Variants in CCDC47 observed in about 807,000 individuals in gnomAD.
CCDC47 encodes the protein coiled-coil domain containing 47, also known as PAT complex subunit CCDC47.
CCDC47 carries 41 observed loss-of-function variants against 60.5 expected under a neutral mutation model. That is an observed-to-expected ratio of 0.68 (90% CI 0.53 to 0.88). CCDC47 has a LOEUF of 0.88. CCDC47 is among the 40% of genes least tolerant of loss of function. The pLI is 0.00. For missense variants in CCDC47, 513 were observed against 580.9 expected (o/e 0.88, Z 1.20); for synonymous variants, 195 against 190.7 (o/e 1.02, Z -0.18).
intron 8 of CCDC47, among the ~76,000 whole-genome samples, chr17:63,754,851 C>T (rs1568247379): frequency 6.6e-6 from 1 of 150,924 alleles, no homozygotes; most frequent in Non-Finnish European, 1.5e-5. Flanking sequence ...CCACTGTACT[C>T]CGGTCTGGGC....
chr17:63,767,488 A>AC (rs2039305601), intron 1 of CCDC47, among the ~76,000 whole-genome samples: 1 of 152,050 alleles, frequency 6.6e-6, no homozygotes, highest in Non-Finnish European at 1.5e-5. Flanking sequence ...AAGTGGGGAG[A>AC]CCATTTGAGC....
At chr17:63,770,021 C>T (rs187905379) in intron 1 of CCDC47, among the ~76,000 whole-genome samples, 18 of 142,926 alleles carry the variant, frequency 1.3e-4, no homozygotes, top group Middle Eastern at 3.9e-3. Context: ...AGTGTAGTGG[C>T]GTGATCTCGG....
intron 1 of CCDC47, among the ~76,000 whole-genome samples, chr17:63,771,142 A>T (rs114031791): frequency 0.011 from 1,712 of 152,210 alleles, 28 homozygotes; most frequent in African/African-American, 0.04. Context: ...GGATAGGCCA[A>T]CGGTACAGTA....
chr17:63,758,279 G>T (rs2039222816), intron 6 of CCDC47, among the ~76,000 whole-genome samples: 1 of 152,190 alleles, frequency 6.6e-6, no homozygotes, highest in South Asian at 2.1e-4. Context: ...TGGTAGTATG[G>T]GTAACCTGGG....
Position 63,766,161 on chromosome 17 carries a change from G to A in CCDC47, c.15C>T (p.His5=), listed in dbSNP as rs756016204. 1.2e-6 allele frequency: 2 copies of A among 1,608,484 alleles called. No homozygotes were observed. Among genetic ancestry groups the A allele is most frequent in the African/African-American group, 1.3e-5 (1 of 74,740 alleles). ...ACACCAGAAGGACAACACAGAAAGT[G>A]TGGAAGGCTTTCATTGCACCTTGAG... MKAF[H]TFCVVLLVFG... is the part of the protein sequence containing the mutation. The change falls in exon 2 of 13, where the codon CAC becomes CAT. Residue 5 remains histidine, a synonymous_variant. Transcript: ENST00000225726.
In CCDC47 at chr17:63,746,469, T is replaced by C. The variant is rs888046650; in HGVS notation, c.*412A>G. 1 of 158,926 alleles carries C rather than the reference T, an allele frequency of 6.3e-6. No homozygotes were observed. The highest frequency in any genetic ancestry group is 2.4e-5 in the African/African-American group (1 of 41,558). 9.8% of individuals were successfully genotyped at this position (158,926 alleles called of 1,614,324 possible). A position where few individuals can be genotyped will look rare whatever the true frequency, so the allele number is the denominator to read the frequency against. ...TTGCAGAATCTTGGTTTAGAGTCAG[T>C]CTTTATAGCCATTTCAACTGCTTGG... On this transcript the variant is annotated 3_prime_UTR_variant, in exon 13 of 13. Coordinates refer to ENST00000225726, the MANE Select transcript of CCDC47 (RefSeq NM_020198.3).
chr17:63,756,082 A>G lies in CCDC47; in HGVS notation c.948+158T>C, dbSNP rs899031296. Among the ~76,000 whole-genome samples the G allele has an allele frequency of 3.3e-5, 5 of 152,334 alleles. No homozygotes were observed. In the East Asian group the frequency reaches 9.6e-4, roughly 29 times the overall value. Reference sequence around the variant, plus strand: ...AATCAAATTGTCCTTTTGACAAGCTAATTTATTGCTTAAAGAAGGTATTTT... The same window carrying G: ...AATCAAATTGTCCTTTTGACAAGCTGATTTATTGCTTAAAGAAGGTATTTT... On this transcript the variant is annotated intron_variant, in intron 8 of 12. Transcript: ENST00000225726.
chr17:63,769,400 G>C (rs2039319854), intron 1 of CCDC47, among the ~76,000 whole-genome samples: 1 of 151,968 alleles, frequency 6.6e-6, no homozygotes, highest in Non-Finnish European at 1.5e-5. Context: ...GATCACCTGA[G>C]GTCAGGAGTT....
intron 3 of CCDC47, 29 bp from the exon 4 acceptor site, chr17:63,764,219 G>C: frequency 3.3e-6 from 5 of 1,532,194 alleles, no homozygotes; most frequent in Non-Finnish European, 4.4e-6. Flanking sequence ...TCCATTAAAT[G>C]TTGGCTGAGA....
intron 1 of CCDC47, among the ~76,000 whole-genome samples, chr17:63,768,466 C>T (rs929306861): frequency 7.9e-5 from 12 of 152,018 alleles, no homozygotes; most frequent in Admixed American, 7.9e-4. Context: ...GGTGAGTGAA[C>T]TGCTCGAGCC....
At chr17:63,770,047 G>C (rs2039326202) in intron 1 of CCDC47, among the ~76,000 whole-genome samples, 1 of 147,434 alleles carries the variant, frequency 6.8e-6, no homozygotes, top group Non-Finnish European at 1.5e-5. Context: ...TGCAACCTCT[G>C]CCTCCTGGGT....
At position 63,759,543 on chromosome 17, in the gene CCDC47, ATATATATATATATATAT is replaced by A. The variant is rs2039238047; in HGVS notation, c.735+1354_735+1370del. Among the ~76,000 whole-genome samples the A allele has an allele frequency of 3.4e-5, 2 of 58,576 alleles. 1 individual carries two copies. The highest frequency in any genetic ancestry group is 6.3e-5 in the Non-Finnish European group (2 of 31,566). 38.4% of individuals were successfully genotyped at this position (58,576 alleles called of 152,430 possible). ...TATATATATTTATATATATATATAT[ATATATATATATATATAT>A]ATATATATATATATATAAAACAATG... On this transcript the variant is annotated intron_variant, in intron 6 of 12. Transcript: ENST00000225726.
chr17:63,766,603 T>C (rs542034069), intron 1 of CCDC47, among the ~76,000 whole-genome samples: 1 of 152,228 alleles, frequency 6.6e-6, no homozygotes, highest in South Asian at 2.1e-4. Flanking sequence ...TTTGTATTTT[T>C]AGTAGAGATG....
In CCDC47 at chr17:63,764,941, C is replaced by T. The variant is rs1050213108; in HGVS notation, c.265-94G>A. ...CAACATTTGTTGGGGAAAACAAGAA[C>T]GTGTAAGCAGCAAGCACAGAAAACA... On this transcript the variant is annotated intron_variant, in intron 2 of 12. Transcript: ENST00000225726. 1.3e-5 allele frequency: 19 copies of T among 1,519,084 alleles called. No homozygotes were observed. In the Admixed American group the frequency reaches 1.8e-4, roughly 15 times the overall value. The allele number at this position is 1,519,084 out of a possible 1,614,324, so 94.1% of individuals were successfully genotyped here. A position where few individuals can be genotyped will look rare whatever the true frequency, so the allele number is the denominator to read the frequency against.
At position 63,747,149 on chromosome 17, in the gene CCDC47, G is replaced by A. The variant is rs9893258; in HGVS notation, c.1372-188C>T. ...AATAATTGCCAATATCTACATTAGT[G>A]AATAAAAATTAAATCAACTTCAAAT... On this transcript the variant is annotated intron_variant, in intron 12 of 12. Transcript: ENST00000225726. 7,506 of 981,292 alleles carry A rather than the reference G, an allele frequency of 7.6e-3. 450 individuals carry two copies. In the African/African-American group the frequency reaches 0.12, roughly 16 times the overall value. The allele number at this position is 981,292 out of a possible 1,614,324, so 60.8% of individuals were successfully genotyped here.
intron 12 of CCDC47, among the ~76,000 whole-genome samples, chr17:63,748,131 A>C (rs1288425080): frequency 6.6e-6 from 1 of 151,952 alleles, no homozygotes; most frequent in Non-Finnish European, 1.5e-5. Context: ...CTGGGATTAC[A>C]GGCGTGAGCC....
At chr17:63,748,373 A>G (rs2039136033) in intron 12 of CCDC47, among the ~76,000 whole-genome samples, 2 of 152,060 alleles carry the variant, frequency 1.3e-5, no homozygotes, top group South Asian at 4.1e-4. Flanking sequence ...TCGGCCTCCC[A>G]AAGTGTTAGG....
intron 6 of CCDC47, among the ~76,000 whole-genome samples, chr17:63,758,792 A>G (rs2039227088): frequency 6.6e-6 from 1 of 152,154 alleles, no homozygotes; most frequent in African/African-American, 2.4e-5. Flanking sequence ...TAATATAGGA[A>G]AAGAACTGGT....
At chr17:63,763,177 C>T (rs2039272994) in intron 4 of CCDC47, among the ~76,000 whole-genome samples, 1 of 152,160 alleles carries the variant, frequency 6.6e-6, no homozygotes, top group East Asian at 1.9e-4. Context: ...CCCACCTTGG[C>T]CTCCCAAATC....
Sources: allele counts gnomAD v4.1 joint callset (sites outside exome capture counted in the v4.1 genomes callset), GRCh38; gene constraint gnomAD v4.1.1; transcripts MANE v1.5; gene names NCBI Gene and HGNC (gene_info 2026-07-23, HGNC 2026-07-21).